The following OSBPL5 variants were observed in gnomAD, a reference collection of about 807,000 sequenced individuals.
The protein encoded by OSBPL5 is oxysterol binding protein like 5, also known as oxysterol-binding protein-related protein 5.
Under a neutral mutation model 111.2 loss-of-function variants are expected in OSBPL5, and 71 were observed. That is an observed-to-expected ratio of 0.64 (90% CI 0.53 to 0.78). The LOEUF (loss-of-function observed/expected upper bound fraction) is 0.78, where lower values mean the gene tolerates loss of function less well. Ranked by LOEUF, OSBPL5 falls within the 30% of genes least tolerant of loss-of-function variation. OSBPL5 has a pLI of 0.00. For missense variants in OSBPL5, 1,210 were observed against 1,189.3 expected (o/e 1.02, Z -0.26); for synonymous variants, 549 against 513.9 (o/e 1.07, Z -0.93).
In OSBPL5 at chr11:3,140,642, G is replaced by A. The variant is rs541596658; in HGVS notation, c.-21-11473C>T. Among the ~76,000 whole-genome samples the A allele has an allele frequency of 5.9e-5, 9 of 152,210 alleles. No homozygotes were observed. Among genetic ancestry groups the A allele is most frequent in the South Asian group, 2.1e-4 (1 of 4,820 alleles). ...ACCAGTGGACAGGCATCGTCGTCCC[G>A]GCTCCCCTCTGTCCCCCAGCTCACA... is the stretch of plus-strand genomic sequence containing the variant. On this transcript the variant is annotated intron_variant, in intron 1 of 21. Transcript: ENST00000263650. The surrounding 1 kb of genome is among the most constrained non-coding windows in gnomAD (Gnocchi z 4.5).
Position 3,092,778 on chromosome 11 carries a change from G to C in OSBPL5, c.2132+89C>G. 2.1e-6 allele frequency: 3 copies of C among 1,435,554 alleles called. No individual in the cohort carries two copies. Among genetic ancestry groups the C allele is most frequent in the Non-Finnish European group, 1.9e-6 (2 of 1,080,302 alleles). The allele number at this position is 1,435,554 out of a possible 1,614,324, so 88.9% of individuals were successfully genotyped here. A position where few individuals can be genotyped will look rare whatever the true frequency, so the allele number is the denominator to read the frequency against. ...CCTCCAGGGGACAGGCTGAAGGTGA[G>C]AGGGAAGCCAGGAGCCCCTGGGCCC... On this transcript the variant is annotated intron_variant, in intron 18 of 21. Coordinates refer to ENST00000263650, the MANE Select transcript of OSBPL5 (RefSeq NM_020896.4). This position sits in a 1 kb window ranked among gnomAD's most constrained non-coding sequence, Gnocchi z 5.4.
rs1400850411 is a variant in OSBPL5 at position 3,107,053 on chromosome 11, C to CAGCG, written c.1059+209_1059+210insCGCT. Among the ~76,000 whole-genome samples the CAGCG allele has an allele frequency of 4.6e-5, 7 of 152,214 alleles. No individual in the cohort carries two copies. Among genetic ancestry groups the CAGCG allele is most frequent in the African/African-American group, 1.7e-4 (7 of 41,464 alleles). ...TCCCCGCATCTGCATGCCAGCCAGC[C>CAGCG]AGCCAGCCAGCGGGGCAGCCTCTTT... On this transcript the variant is annotated intron_variant, in intron 9 of 21. Transcript: ENST00000263650. The surrounding 1 kb of genome is among the most constrained non-coding windows in gnomAD (Gnocchi z 6.1).
At chr11:3,116,150 T>C (rs1858200299) in intron 7 of OSBPL5, among the ~76,000 whole-genome samples, 1 of 152,212 alleles carries the variant, frequency 6.6e-6, no homozygotes, top group African/African-American at 2.4e-5. Flanking sequence ...TTTGGTCTTC[T>C]TTGGGCTATA....
At chr11:3,160,612 G>GC (rs1846931011) in intron 1 of OSBPL5, among the ~76,000 whole-genome samples, 1 of 151,854 alleles carries the variant, frequency 6.6e-6, no homozygotes, top group African/African-American at 2.4e-5. Flanking sequence ...CGGATGCTCC[G>GC]CCCCAACACC....
At chr11:3,102,328 C>G in intron 11 of OSBPL5, 47 bp from the exon 12 acceptor site, 1 of 1,537,204 alleles carries the variant, frequency 6.5e-7, no homozygotes, top group Non-Finnish European at 8.8e-7. Context: ...GGTAAGAGGT[C>G]CGCTGTGCAG....
At chr11:3,117,655 T>C (rs1037057011) in intron 7 of OSBPL5, among the ~76,000 whole-genome samples, 12 of 152,344 alleles carry the variant, frequency 7.9e-5, no homozygotes, top group Non-Finnish European at 1.5e-4. Context: ...CCCTAATGTT[T>C]TTCAATTTTT....
chr11:3,145,971 T>C (rs1194568749), intron 1 of OSBPL5, among the ~76,000 whole-genome samples: 2 of 152,112 alleles, frequency 1.3e-5, no homozygotes, highest in African/African-American at 2.4e-5. Flanking sequence ...GCAAATGTGC[T>C]CTGAACACCA....
chr11:3,127,327 G>A (rs917589844), intron 2 of OSBPL5, among the ~76,000 whole-genome samples: 2 of 152,254 alleles, frequency 1.3e-5, no homozygotes, highest in African/African-American at 4.8e-5. Context: ...CAAGGCCACA[G>A]GCGACAGGCC....
At chr11:3,138,574 C>T (rs958788971) in intron 1 of OSBPL5, among the ~76,000 whole-genome samples, 1 of 152,234 alleles carries the variant, frequency 6.6e-6, no homozygotes, top group Admixed American at 6.5e-5. Flanking sequence ...AACCTGGGCC[C>T]CCAGTGGAGC....
At position 3,104,138 on chromosome 11, in the gene OSBPL5, G is replaced by T; in HGVS notation, c.1244+55C>A. ...AGGTAGGGGCTGGGGGTGCTGCAGG[G>T]TCTCATGCAGATGCAGGACGAGGTG... is the stretch of plus-strand genomic sequence containing the variant. On this transcript the variant is annotated intron_variant, in intron 10 of 21. Transcript: ENST00000263650. The surrounding 1 kb of genome is among the most constrained non-coding windows in gnomAD (Gnocchi z 5.0). The T allele has an allele frequency of 6.5e-7, 1 of 1,543,886 alleles. No homozygotes were observed. The highest frequency in any genetic ancestry group is 8.8e-7 in the Non-Finnish European group (1 of 1,134,846).
chr11:3,134,005 T>C lies in OSBPL5; in HGVS notation c.-21-4836A>G, dbSNP rs60920956. Among the ~76,000 whole-genome samples the C allele has an allele frequency of 9.6e-3, 1,446 of 151,364 alleles. 28 individuals are homozygous for C. Among genetic ancestry groups the C allele is most frequent in the African/African-American group, 0.034 (1,394 of 41,188 alleles). On this transcript the variant is annotated intron_variant, in intron 1 of 21. Coordinates refer to ENST00000263650, the MANE Select transcript of OSBPL5 (RefSeq NM_020896.4). ...GGTGGGGGGGGGGTCACTAGATGTATGTGGTCCCCAGTGCCCAGCTCTGCC... is the reference window on the plus strand; with the variant it reads ...GGTGGGGGGGGGGTCACTAGATGTACGTGGTCCCCAGTGCCCAGCTCTGCC...
Position 3,103,302 on chromosome 11 carries a change from A to G in OSBPL5, c.1263T>C (p.Asp421=), listed in dbSNP as rs1857521090. The part of the protein sequence containing the change: ...DLLSRAAVEE[D]AYSRMKLVLR... ...GCACCAGCTTCATGCGGCTGTAGGC[A>G]TCCTCCTCCACCGCAGCCCTGCCAT... Residue 421 remains aspartate, a synonymous_variant, in exon 11 of 22, where the codon GAT becomes GAC. Coordinates refer to ENST00000263650, the MANE Select transcript of OSBPL5 (RefSeq NM_020896.4). The G allele has an allele frequency of 3.7e-6, 6 of 1,607,302 alleles. No individual in the cohort carries two copies. Among genetic ancestry groups the G allele is most frequent in the Non-Finnish European group, 5.1e-6 (6 of 1,176,956 alleles).
intron 19 of OSBPL5, among the ~76,000 whole-genome samples, chr11:3,090,935 A>C (rs968374933): frequency 2.0e-5 from 3 of 152,236 alleles, no homozygotes; most frequent in African/African-American, 7.2e-5. Context: ...GACCCCTCAC[A>C]GTGAGCAAGG....
At position 3,133,615 on chromosome 11, in the gene OSBPL5, A is replaced by G. The variant is rs146967156; in HGVS notation, c.-21-4446T>C. 8.0e-3 allele frequency among the ~76,000 whole-genome samples: 1,224 copies of G among 152,258 alleles called. 19 individuals carry two copies. Among genetic ancestry groups the G allele is most frequent in the African/African-American group, 0.028 (1,159 of 41,550 alleles). On this transcript the variant is annotated intron_variant, in intron 1 of 21. Transcript: ENST00000263650. Reference sequence around the variant, plus strand: ...CAGCACCTTCACCCCAGAGCCCCCAATGACTCTCTGCTCATCTGTACACAG... The same window carrying G: ...CAGCACCTTCACCCCAGAGCCCCCAGTGACTCTCTGCTCATCTGTACACAG...
intron 1 of OSBPL5, among the ~76,000 whole-genome samples, chr11:3,138,725 GGCTTGGTGT>G (rs1590705404): frequency 1.3e-5 from 2 of 152,342 alleles, no homozygotes; most frequent in East Asian, 3.9e-4. Context: ...GAGGCTCCTG[GGCTTGGTGT>G]GCCACCCCCA....
intron 14 of OSBPL5, 36 bp downstream of exon 14, chr11:3,100,122 G>A: frequency 6.3e-7 from 1 of 1,595,786 alleles, no homozygotes; most frequent in Non-Finnish European, 8.6e-7. Context: ...CACAGAGCCT[G>A]GCTCTGCCCT....
intron 1 of OSBPL5, among the ~76,000 whole-genome samples, chr11:3,136,507 A>G (rs566250087): frequency 1.2e-4 from 18 of 152,318 alleles, no homozygotes; most frequent in Admixed American, 3.3e-4. Flanking sequence ...CCTGTGCCCA[A>G]TTCCTCCTCT....
At position 3,107,286 on chromosome 11, in the gene OSBPL5, G is replaced by A; in HGVS notation, c.1036C>T (p.Gln346Ter). The A allele has an allele frequency of 2.5e-6, 4 of 1,613,364 alleles. No homozygotes were observed. The highest frequency in any genetic ancestry group is 3.4e-6 in the Non-Finnish European group (4 of 1,179,924). ...ACCTCCCCCAGCTCCTCCTGGACCTGCTCCACATAGGTGGTCCCTCTCCGC... is the reference window on the plus strand; with the variant it reads ...ACCTCCCCCAGCTCCTCCTGGACCTACTCCACATAGGTGGTCCCTCTCCGC... The part of the protein sequence containing the change: ...PVRRGTTYVE[Q>*]VQEELGELGE... The change falls in exon 9 of 22, where the codon CAG becomes TAG. Residue 346 changes from glutamine to a stop codon, truncating the protein, a stop_gained. Coordinates refer to ENST00000263650, the MANE Select transcript of OSBPL5 (RefSeq NM_020896.4). LOFTEE classifies it high-confidence loss of function. The surrounding 1 kb of genome is among the most constrained non-coding windows in gnomAD (Gnocchi z 6.1).
chr11:3,100,997 CAG>C (rs1421927850), intron 13 of OSBPL5, among the ~76,000 whole-genome samples: 1 of 131,420 alleles, frequency 7.6e-6, no homozygotes, highest in African/African-American at 2.8e-5. Flanking sequence ...TTTTTTGAGA[CAG>C]AGTCTCACCC....
Sources: allele counts gnomAD v4.1 joint callset (sites outside exome capture counted in the v4.1 genomes callset), GRCh38; gene constraint gnomAD v4.1.1; non-coding constraint Gnocchi (gnomAD v3.1); transcripts MANE v1.5; gene names NCBI Gene and HGNC (gene_info 2026-07-23, HGNC 2026-07-21).